RFX1: variants seen among roughly 807,000 people sequenced by gnomAD.
The protein encoded by RFX1 is MHC class II regulatory factor RFX1.
A neutral mutation model predicts 119.6 loss-of-function variants in RFX1; 42 were observed. The ratio of observed to expected loss-of-function variants is 0.35; its 90% CI spans 0.27 to 0.45. The LOEUF is 0.45. Ranked by LOEUF, RFX1 falls within the 20% of genes least tolerant of loss-of-function variation. RFX1 has a pLI of 1.00. For synonymous variants in RFX1, 628 were observed against 618.5 expected (o/e 1.02, Z -0.23); for missense variants, 1,118 against 1,368.1 (o/e 0.82, Z 2.88).
In RFX1 at chr19:13,993,684, A is replaced by G. The variant is rs1974883068; in HGVS notation, c.160T>C (p.Tyr54His). ...TGGGGGCTCTGCAGCTCGGTGACAT[A>G]TTGGGGCTGAGGGGTGGCAGCAGCG... is the stretch of plus-strand genomic sequence containing the variant. ...PTAAATPQPQ[Y>H]VTELQSPQPQ... The change falls in exon 2 of 21, where the codon TAT becomes CAT. Residue 54 changes from tyrosine (Y) to histidine (H), a missense_variant. Transcript: ENST00000254325. 4.5e-6 allele frequency: 6 copies of G among 1,338,222 alleles called. No individual in the cohort carries two copies. In the East Asian group the frequency reaches 2.7e-4, roughly 61 times the overall value. The allele number at this position is 1,338,222 out of a possible 1,614,324, so 82.9% of individuals were successfully genotyped here.
In RFX1 at chr19:13,964,059, A is replaced by G. The variant is rs1033116623; in HGVS notation, c.2212-52T>C. ...TGCTTCCAAGGAACCCCAGCCCGCC[A>G]GCCCTGGCCCCACCCCGCTGCAACC... On this transcript the variant is annotated intron_variant, in intron 16 of 20. Coordinates refer to ENST00000254325, the MANE Select transcript of RFX1 (RefSeq NM_002918.5). 4 of 1,502,764 alleles carry G rather than the reference A, an allele frequency of 2.7e-6. No homozygotes were observed. In the African/African-American group the frequency reaches 5.6e-5, roughly 21 times the overall value. 93.1% of individuals were successfully genotyped at this position (1,502,764 alleles called of 1,614,324 possible). A position where few individuals can be genotyped will look rare whatever the true frequency, so the allele number is the denominator to read the frequency against.
At chr19:13,979,584 T>G (rs746306575) in intron 6 of RFX1, 42 bp from the exon 7 acceptor site, 1 of 1,464,912 alleles carries the variant, frequency 6.8e-7, no homozygotes, top group Non-Finnish European at 9.4e-7. Context: ...ATGGCAACGA[T>G]GGCCGTCAAC....
intron 8 of RFX1, among the ~76,000 whole-genome samples, chr19:13,977,422 AT>A (rs1040385210): frequency 3.7e-4 from 55 of 146,778 alleles, no homozygotes; most frequent in Middle Eastern, 3.5e-3. Flanking sequence ...GAGTCAAATG[AT>A]TTTTTTTTTT....
Position 13,973,139 on chromosome 19 carries a change from G to T in RFX1, c.930-12C>A. ...AGGTGCTGGAACGGCTGGGAAAGAGGCAAAGCCAAGGGAGAGTCAGGGGGA... is the reference window on the plus strand; with the variant it reads ...AGGTGCTGGAACGGCTGGGAAAGAGTCAAAGCCAAGGGAGAGTCAGGGGGA... On this transcript the variant is annotated splice_polypyrimidine_tract_variant and intron_variant, in intron 8 of 20. Coordinates refer to ENST00000254325, the MANE Select transcript of RFX1 (RefSeq NM_002918.5). 7.3e-7 allele frequency: 1 copy of T among 1,377,034 alleles called. No individual in the cohort carries two copies. The highest frequency in any genetic ancestry group is 9.6e-7 in the Non-Finnish European group (1 of 1,040,754). The allele number at this position is 1,377,034 out of a possible 1,614,324, so 85.3% of individuals were successfully genotyped here.
intron 2 of RFX1, among the ~76,000 whole-genome samples, chr19:13,992,299 C>A (rs1028220346): frequency 6.6e-6 from 1 of 152,222 alleles, no homozygotes; most frequent in East Asian, 1.9e-4. Flanking sequence ...ACGAATCTAG[C>A]CTAATGCCCA....
At chr19:13,967,520 A>G (rs984052831) in intron 12 of RFX1, among the ~76,000 whole-genome samples, 24 of 150,672 alleles carry the variant, frequency 1.6e-4, no homozygotes, top group African/African-American at 5.4e-4. Context: ...TGTGTCGCCC[A>G]GGCTGCAGTG....
At chr19:13,983,919 C>T (rs1041505553) in intron 2 of RFX1, among the ~76,000 whole-genome samples, 2 of 151,192 alleles carry the variant, frequency 1.3e-5, no homozygotes, top group Non-Finnish European at 2.9e-5. Flanking sequence ...TCCCAGCAGA[C>T]GGGACTTGTG....
At chr19:13,974,668 CA>C (rs1316574149) in intron 8 of RFX1, among the ~76,000 whole-genome samples, 1 of 152,182 alleles carries the variant, frequency 6.6e-6, no homozygotes, top group Non-Finnish European at 1.5e-5. Flanking sequence ...GGGGGACAGG[CA>C]GGGGGCACCT....
chr19:13,980,611 C>A lies in RFX1; in HGVS notation c.700G>T (p.Val234Phe). Residue 234 changes from valine (V) to phenylalanine (F), a missense_variant, in exon 6 of 21, where the codon GTC becomes TTC. Physicochemically the swap from Val to Phe is conservative, Grantham distance 50. Transcript: ENST00000254325. This position sits in a 1 kb window ranked among gnomAD's most constrained non-coding sequence, Gnocchi z 5.1. ...GGGACACTCTGCTGGACGCCGTGGA[C>A]CTGCAGCTGCTGTGGCACTGTGCCC... ...PTGTVPQQLQVHGVQQSVPVT... is the reference protein window; with the variant it reads ...PTGTVPQQLQFHGVQQSVPVT... 1 of 1,581,346 alleles carries A rather than the reference C, an allele frequency of 6.3e-7. No individual in the cohort carries two copies. The highest frequency in any genetic ancestry group is 8.5e-7 in the Non-Finnish European group (1 of 1,170,656).
intron 8 of RFX1, among the ~76,000 whole-genome samples, chr19:13,977,435 G>A (rs1043981112): frequency 6.9e-6 from 1 of 145,894 alleles, no homozygotes; most frequent in African/African-American, 2.5e-5. Flanking sequence ...TTTTTTTTTT[G>A]AGATGGAGTG....
chr19:13,994,897 T>C (rs963889092), intron 1 of RFX1, among the ~76,000 whole-genome samples: 290 of 22,896 alleles, frequency 0.013, 7 homozygotes, highest in African/African-American at 0.058. Context: ...TACATACATA[T>C]ATATATATAT....
chr19:13,996,038 G>GCAAAA (rs1357327644), intron 1 of RFX1, among the ~76,000 whole-genome samples: 1 of 151,944 alleles, frequency 6.6e-6, no homozygotes, highest in Non-Finnish European at 1.5e-5. Context: ...CTGTCTCAGA[G>GCAAAA]CAAAACAAAA....
In RFX1 at chr19:13,968,426, C is replaced by T; in HGVS notation, c.1732+139G>A. On this transcript the variant is annotated intron_variant, in intron 12 of 20. Coordinates refer to ENST00000254325, the MANE Select transcript of RFX1 (RefSeq NM_002918.5). This position sits in a 1 kb window ranked among gnomAD's most constrained non-coding sequence, Gnocchi z 5.5. ...GTGGACGGAGACTGTGATGTCTCCC[C>T]CACCCCCTGCTGGTTCTCGGGCATC... The T allele has an allele frequency of 5.8e-6, 4 of 686,538 alleles. No individual in the cohort carries two copies. The Admixed American group carries it at 8.4e-5, about 14-fold the overall frequency. The allele number at this position is 686,538 out of a possible 1,614,324, so 42.5% of individuals were successfully genotyped here. A position where few individuals can be genotyped will look rare whatever the true frequency, so the allele number is the denominator to read the frequency against.
At chr19:13,979,814 G>T (rs1481096025) in intron 6 of RFX1, among the ~76,000 whole-genome samples, 1 of 152,108 alleles carries the variant, frequency 6.6e-6, no homozygotes, top group Non-Finnish European at 1.5e-5. Flanking sequence ...CCAAGAACCC[G>T]CAGGCAAGGC....
chr19:13,984,270 CCCTCTTTGCTCCTTGCCTGCCTCTATAGA>C (rs1441733357), intron 2 of RFX1, among the ~76,000 whole-genome samples: 1 of 137,480 alleles, frequency 7.3e-6, no homozygotes, highest in Non-Finnish European at 1.6e-5. Context: ...GCCTGCCTGG[CCCTCTTTGCTCCTTGCCTGCCTCTATAGA>C]ACAGCAGGGT....
rs74585362 is a variant in RFX1, at chr19:13,976,898, G to C, written c.929+1094C>G. Among the ~76,000 whole-genome samples, 448 of 152,210 alleles carry C rather than the reference G, an allele frequency of 2.9e-3. 5 individuals carry two copies. The highest frequency in any genetic ancestry group is 0.01 in the African/African-American group (421 of 41,524). Reference sequence around the variant, plus strand: ...CACACCTGTAGTCCCAGCTACTAGGGAGGCTGAGGTAAGAGGATTGCTTGA... The same window carrying C: ...CACACCTGTAGTCCCAGCTACTAGGCAGGCTGAGGTAAGAGGATTGCTTGA... On this transcript the variant is annotated intron_variant, in intron 8 of 20. Coordinates refer to ENST00000254325, the MANE Select transcript of RFX1 (RefSeq NM_002918.5).
intron 2 of RFX1, among the ~76,000 whole-genome samples, chr19:13,993,306 T>A (rs995385590): frequency 3.3e-5 from 5 of 151,720 alleles, no homozygotes; most frequent in Non-Finnish European, 7.4e-5. Flanking sequence ...AAAAATAAAA[T>A]AAAACCAAAA....
At position 13,972,788 on chromosome 19, in the gene RFX1, A is replaced by G. The variant is rs1974122081; in HGVS notation, c.1269T>C (p.Ser423=). ...YVIQGGYMLG[S]ASQSYSHTTR... ...TGGTGTGAGAGTAAGACTGGCTGGCACTGCCCAGCATGTAGCCGCCTTGGA... is the reference window on the plus strand; with the variant it reads ...TGGTGTGAGAGTAAGACTGGCTGGCGCTGCCCAGCATGTAGCCGCCTTGGA... The change falls in exon 9 of 21, where the codon AGT becomes AGC. Residue 423 remains serine, a synonymous_variant. Coordinates refer to ENST00000254325, the MANE Select transcript of RFX1 (RefSeq NM_002918.5). The G allele has an allele frequency of 1.2e-6, 2 of 1,607,982 alleles. No individual in the cohort carries two copies. Among genetic ancestry groups the G allele is most frequent in the Non-Finnish European group, 1.7e-6 (2 of 1,177,692 alleles).
At chr19:13,974,092 T>C (rs560355553) in intron 8 of RFX1, among the ~76,000 whole-genome samples, 51 of 151,944 alleles carry the variant, frequency 3.4e-4, no homozygotes, top group Admixed American at 7.9e-4. Context: ...TGGACAAGAA[T>C]GAAAAGCCCC....
Sources: allele counts gnomAD v4.1 joint callset (sites outside exome capture counted in the v4.1 genomes callset), GRCh38; gene constraint gnomAD v4.1.1; non-coding constraint Gnocchi (gnomAD v3.1); transcripts MANE v1.5; gene names NCBI Gene and HGNC (gene_info 2026-07-23, HGNC 2026-07-21).